Variants in FAM153A observed in about 807,000 individuals in gnomAD.
FAM153A encodes family with sequence similarity 153 member A.
A neutral mutation model predicts 48.1 loss-of-function variants in FAM153A; 12 were observed. That is an observed-to-expected ratio of 0.25 (90% CI 0.16 to 0.40). The LOEUF (loss-of-function observed/expected upper bound fraction) is 0.40. FAM153A is among the 10% of genes least tolerant of loss of function. The probability of loss-of-function intolerance (pLI) is 1.00; values close to 1 mark genes in which losing one functional copy is unlikely to be tolerated. For missense variants in FAM153A, 111 were observed against 345.8 expected, an observed-to-expected ratio of 0.32 and a Z score of 5.38; for synonymous variants, 36 against 118.2, an observed-to-expected ratio of 0.30 and a Z score of 4.51.
At chr5:177,698,722 G>A in the FAM153A span, among the ~76,000 whole-genome samples, 2 of 151,810 alleles carry the variant, frequency 1.3e-5, no homozygotes, top group African/African-American at 2.4e-5. Flanking sequence ...GCAGTGGTGC[G>A]ATCACGGCTT....
At chr5:177,743,496 C>A (rs1326599149) in intron 6 of FAM153A, among the ~76,000 whole-genome samples, 2 of 119,284 alleles carry the variant, frequency 1.7e-5, no homozygotes, top group African/African-American at 6.5e-5. Context: ...CTGGAATTAT[C>A]CATTCTGGGC....
At chr5:177,714,435 AAAAT>A (rs1422277034) in intron 25 of FAM153A, among the ~76,000 whole-genome samples, 3 of 150,908 alleles carry the variant, frequency 2.0e-5, no homozygotes, top group African/African-American at 7.4e-5. Context: ...ACAATTTTAT[AAAAT>A]AAATAGACTT....
At chr5:177,721,524 ACTTTT>A (rs1382985283), downstream of FAM153A, among the ~76,000 whole-genome samples, 3 of 113,534 alleles carry the variant, frequency 2.6e-5, no homozygotes, top group Non-Finnish European at 5.3e-5. Context: ...ACGTTAATAA[ACTTTT>A]CTTTTTTAAG....
chr5:177,769,230 CAAAAA>C (rs564065546), intron 1 of FAM153A, among the ~76,000 whole-genome samples: 3 of 16,962 alleles, frequency 1.8e-4, no homozygotes, highest in African/African-American at 2.6e-4. Context: ...GACTCCGTCC[CAAAAA>C]AAAAAAAAAA....
At chr5:177,757,209 A>G (rs1239453505), upstream of FAM153A, among the ~76,000 whole-genome samples, 1 of 99,350 alleles carries the variant, frequency 1.0e-5, no homozygotes, top group Non-Finnish European at 2.1e-5. Context: ...AAACACCGCT[A>G]CACAAATAAA....
At chr5:177,768,199 T>C (rs1768854754) in intron 1 of FAM153A, among the ~76,000 whole-genome samples, 1 of 136,126 alleles carries the variant, frequency 7.3e-6, no homozygotes. Context: ...AAGAGATGCA[T>C]AGTGCAAAGT....
At chr5:177,765,938 G>A (rs1203930482) in intron 1 of FAM153A, among the ~76,000 whole-genome samples, 1 of 107,038 alleles carries the variant, frequency 9.3e-6, no homozygotes, top group Non-Finnish European at 2.1e-5. Flanking sequence ...CCAAGATGCT[G>A]AAACCCCACC....
At chr5:177,734,997 C>G (rs2270807) in intron 12 of FAM153A, 64 bp from the exon 15 acceptor site, 600,412 of 1,156,916 alleles carry the variant, frequency 0.52, 157,396 homozygotes, top group Middle Eastern at 0.58. Flanking sequence ...TTCAGTAACA[C>G]TGCTTGAGGT....
intron 26 of FAM153A, chr5:177,713,314 G>T (rs1340708474): frequency 6.8e-6 from 1 of 146,080 alleles, no homozygotes; most frequent in Non-Finnish European, 1.5e-5. Flanking sequence ...GCAGTAGCAC[G>T]ATCTCAGCTC....
intron 3 of FAM153A, among the ~76,000 whole-genome samples, chr5:177,748,185 T>C (rs1554151241): frequency 1.6e-5 from 2 of 122,216 alleles, no homozygotes; most frequent in African/African-American, 2.9e-5. Flanking sequence ...GAGATTACAG[T>C]AGCCGGTCAG....
chr5:177,766,583 G>A (rs1768778215), intron 1 of FAM153A, among the ~76,000 whole-genome samples: 2 of 93,384 alleles, frequency 2.1e-5, no homozygotes, highest in Admixed American at 2.3e-4. Context: ...ACCAAACTGG[G>A]AAGTCAAATA....
rs1769084977 is a variant in FAM153A at position 177,771,090 on chromosome 5, T to C, written c.-57+9359A>G. ...AGACCAAAGTAACAGCATGTGGGCA[T>C]GATTTCTCAAATTGCAGTATAGAAA... On this transcript the variant is annotated intron_variant, in intron 1 of 8. Transcript: ENST00000393518. Among the ~76,000 whole-genome samples, 2 of 97,882 alleles carry C rather than the reference T, an allele frequency of 2.0e-5. 1 individual carries two copies. Among genetic ancestry groups the C allele is most frequent in the African/African-American group, 8.0e-5 (2 of 24,848 alleles). 64.2% of individuals were successfully genotyped at this position (97,882 alleles called of 152,430 possible). A position where few individuals can be genotyped will look rare whatever the true frequency, so the allele number is the denominator to read the frequency against.
At chr5:177,706,392 G>C (rs975694260), downstream of FAM153A, among the ~76,000 whole-genome samples, 6 of 151,458 alleles carry the variant, frequency 4.0e-5, no homozygotes, top group African/African-American at 1.5e-4. Flanking sequence ...GTAGAGGCAG[G>C]GTTTCACCGT....
At chr5:177,711,301 G>A (rs1336741336) in exon 27 of FAM153A, 1 of 151,806 alleles carries the variant, frequency 6.6e-6, no homozygotes, top group East Asian at 1.9e-4. Flanking sequence ...ACAACAATAA[G>A]AATAATGCTG....
chr5:177,759,727 T>C (rs1474091158), intron 1 of FAM153A, among the ~76,000 whole-genome samples: 1 of 150,224 alleles, frequency 6.7e-6, no homozygotes, highest in Non-Finnish European at 1.5e-5. Context: ...AAAAACCAAA[T>C]ACCACATGTT....
At chr5:177,696,519 C>A in the FAM153A span, among the ~76,000 whole-genome samples, 10 of 151,658 alleles carry the variant, frequency 6.6e-5, no homozygotes, top group East Asian at 1.9e-3. Flanking sequence ...TGTCCCACAC[C>A]GTTTGTTGAA....
chr5:177,715,696 CTTTT>C (rs760639245), intron 25 of FAM153A, among the ~76,000 whole-genome samples: 77 of 151,744 alleles, frequency 5.1e-4, no homozygotes, highest in East Asian at 4.4e-3. Context: ...GGATTAAACA[CTTTT>C]TTTGTTAGTT....
chr5:177,729,049 T>A lies in FAM153A; in HGVS notation c.938A>T (p.Gln313Leu), dbSNP rs778416064. The A allele has an allele frequency of 1.1e-5, 7 of 627,894 alleles. No homozygotes were observed. The East Asian group carries it at 2.1e-4, about 19-fold the overall frequency. The allele number at this position is 627,894 out of a possible 1,614,324, so 38.9% of individuals were successfully genotyped here. The change falls in exon 18 of 21, where the codon CAG (glutamine) becomes CTG (leucine). Residue 313 changes from glutamine to leucine, a missense_variant. By Grantham distance (113) the Gln-to-Leu change is moderately radical. This residue lies in a region of FAM153A where 35 missense variants were observed against 136.8 expected (regional missense o/e 0.26). Coordinates refer to ENST00000614127, the Ensembl canonical transcript of FAM153A. ...CTTTGCCAGTGTGGCTGGGTCCACCTGCATCTAGAGAAAAAGAAAACACTA... is the reference window on the plus strand; with the variant it reads ...CTTTGCCAGTGTGGCTGGGTCCACCAGCATCTAGAGAAAAAGAAAACACTA...
downstream of FAM153A, among the ~76,000 whole-genome samples, chr5:177,703,107 T>A (rs1317702094): frequency 1.3e-5 from 2 of 152,180 alleles, no homozygotes; most frequent in African/African-American, 4.8e-5. Context: ...CAGCTTGCAC[T>A]CTGTGCCTGG....
Sources: allele counts gnomAD v4.1 joint callset (sites outside exome capture counted in the v4.1 genomes callset), GRCh38; gene constraint gnomAD v4.1.1; regional missense constraint gnomAD v4.1.1; transcripts MANE v1.5; gene names NCBI Gene and HGNC (gene_info 2026-07-23, HGNC 2026-07-21).